The following MREG variants were observed in gnomAD, a reference collection of about 807,000 sequenced individuals.
MREG encodes the protein melanoregulin.
MREG carries 31 observed loss-of-function variants against 28.5 expected under a neutral mutation model. The observed-to-expected ratio is 1.09, with a 90% confidence interval of 0.82 to 1.47. MREG has a LOEUF of 1.47. Among genes scored for constraint, MREG ranks in the 40% most tolerant of loss-of-function variants. MREG has a pLI of 0.00. For missense variants in MREG, 256 were observed against 257.4 expected, an observed-to-expected ratio of 0.99 and a Z score of 0.04; for synonymous variants, 106 against 95.2, an observed-to-expected ratio of 1.11 and a Z score of -0.66.
intron 2 of MREG, among the ~76,000 whole-genome samples, chr2:215,973,179 C>T (rs1200397179): frequency 6.6e-6 from 1 of 152,166 alleles, no homozygotes; most frequent in Non-Finnish European, 1.5e-5. Context: ...AATGACCTTG[C>T]ATGCAAAGGC....
At chr2:215,956,320 T>A (rs1692627046) in intron 2 of MREG, among the ~76,000 whole-genome samples, 1 of 152,148 alleles carries the variant, frequency 6.6e-6, no homozygotes, top group Non-Finnish European at 1.5e-5. Context: ...AAATAGTAAA[T>A]ACTCTGTAAA....
intron 1 of MREG, among the ~76,000 whole-genome samples, chr2:216,008,276 C>T (rs1694213695): frequency 1.3e-5 from 2 of 152,150 alleles, no homozygotes; most frequent in East Asian, 3.8e-4. Flanking sequence ...GTGCTTGTGA[C>T]AGACTAGGCA....
chr2:216,033,605 A>G (rs1694745199), upstream of MREG: 1 of 152,306 alleles, frequency 6.6e-6, no homozygotes, highest in Non-Finnish European at 1.5e-5. Context: ...GGATTTCAAG[A>G]TATTTCCTAT....
chr2:216,015,925 T>C (rs116415882), upstream of MREG, among the ~76,000 whole-genome samples: 2,541 of 152,230 alleles, frequency 0.017, 34 homozygotes, highest in Non-Finnish European at 0.024. Context: ...AGCAAGAGCT[T>C]ATGAAAGTGT....
intron 2 of MREG, among the ~76,000 whole-genome samples, chr2:215,981,508 T>C (rs1693428255): frequency 6.6e-6 from 1 of 152,182 alleles, no homozygotes; most frequent in South Asian, 2.1e-4. Flanking sequence ...GGAGTTATTG[T>C]CTAGTGGGCA....
intron 2 of MREG, 59 bp from the exon 3 acceptor site, chr2:215,947,172 T>G: frequency 9.6e-7 from 1 of 1,039,062 alleles, no homozygotes; most frequent in Non-Finnish European, 1.5e-6. Context: ...CTCTATCTCA[T>G]TCCCAAACTT....
chr2:215,953,898 C>A lies in MREG; in HGVS notation c.256-6785G>T, dbSNP rs536568579. On this transcript the variant is annotated intron_variant, in intron 2 of 4. Coordinates refer to ENST00000263268, the MANE Select transcript of MREG (RefSeq NM_018000.3). ...TAGTTTCATATTTTCCCACCCTTGC[C>A]TCCAGGAAAAATTTTCAGTGCATAG... is the stretch of plus-strand genomic sequence containing the variant. Among the ~76,000 whole-genome samples, 135 of 152,310 alleles carry A rather than the reference C, an allele frequency of 8.9e-4. 1 individual carries two copies. The highest frequency in any genetic ancestry group is 6.8e-3 in the Middle Eastern group (2 of 294).
chr2:215,952,032 G>A (rs527733891), intron 2 of MREG, among the ~76,000 whole-genome samples: 4 of 152,090 alleles, frequency 2.6e-5, no homozygotes, highest in Non-Finnish European at 5.9e-5. Context: ...GTCTCTCTGC[G>A]CTTGGCTTAT....
chr2:215,992,767 A>G (rs1201985945), intron 2 of MREG, among the ~76,000 whole-genome samples: 1 of 152,226 alleles, frequency 6.6e-6, no homozygotes, highest in Non-Finnish European at 1.5e-5. Flanking sequence ...CTGTACACCA[A>G]TAATAGGTAA....
At chr2:215,946,157 T>C (rs1692313223) in intron 3 of MREG, among the ~76,000 whole-genome samples, 1 of 151,566 alleles carries the variant, frequency 6.6e-6, no homozygotes, top group South Asian at 2.1e-4. Context: ...CAGGGTAATA[T>C]GATTAGCTGG....
downstream of MREG, among the ~76,000 whole-genome samples, chr2:215,940,433 T>C (rs1692184572): frequency 1.3e-5 from 2 of 152,238 alleles, no homozygotes; most frequent in Admixed American, 6.5e-5. Context: ...GGTTGTGCCA[T>C]GATCCCTCTC....
intron 1 of MREG, among the ~76,000 whole-genome samples, chr2:215,998,009 A>G (rs1693914509): frequency 6.6e-6 from 1 of 152,142 alleles, no homozygotes; most frequent in Admixed American, 6.5e-5. Context: ...ACCGCCTCAA[A>G]TTTTGGAAGA....
chr2:216,013,323 C>T lies in MREG; in HGVS notation c.5G>A (p.Gly2Glu). 1 of 1,533,430 alleles carries T rather than the reference C, an allele frequency of 6.5e-7. No individual in the cohort carries two copies. Among genetic ancestry groups the T allele is most frequent in the South Asian group, 1.2e-5 (1 of 82,712 alleles). 95.0% of individuals were successfully genotyped at this position (1,533,430 alleles called of 1,614,324 possible). The change falls in exon 1 of 5, where the codon GGG becomes GAG. Residue 2 changes from glycine (G) to glutamate (E), a missense_variant. Physicochemically the swap from Gly to Glu is moderately conservative, Grantham distance 98. Coordinates refer to ENST00000263268, the MANE Select transcript of MREG (RefSeq NM_018000.3). Reference protein sequence around the residue: MGLRDWLRTVCC... With the variant: MELRDWLRTVCC... ...CACGGTTCTCAGCCAGTCCCTCAGC[C>T]CCATGGAGAGCGAGGGCCCCCACCG...
intron 2 of MREG, among the ~76,000 whole-genome samples, chr2:215,981,493 G>T (rs2106001205): frequency 6.6e-6 from 1 of 152,278 alleles, no homozygotes; most frequent in South Asian, 2.1e-4. Context: ...GTTGCCAGGA[G>T]CTGGGGAGTT....
At position 216,006,500 on chromosome 2, in the gene MREG, T is replaced by C. The variant is rs77851008; in HGVS notation, c.95+6733A>G. 9.0e-3 allele frequency among the ~76,000 whole-genome samples: 1,367 copies of C among 152,316 alleles called. 26 individuals are homozygous for C. The highest frequency in any genetic ancestry group is 0.031 in the African/African-American group (1,277 of 41,568). ...CCCTGCAGGCACTTCCTGTGAATCA[T>C]TGTCCGGCCCCGGAGCTACCGGCTT... is the stretch of plus-strand genomic sequence containing the variant. On this transcript the variant is annotated intron_variant, in intron 1 of 4. Coordinates refer to ENST00000263268, the MANE Select transcript of MREG (RefSeq NM_018000.3).
At chr2:216,007,742 C>CATTTT (rs1553555422) in intron 1 of MREG, among the ~76,000 whole-genome samples, 1 of 148,924 alleles carries the variant, frequency 6.7e-6, no homozygotes, top group East Asian at 2.0e-4. Flanking sequence ...CACTTAGCGG[C>CATTTT]TTTTTTTTTG....
chr2:215,955,399 T>G (rs1692596844), intron 2 of MREG, among the ~76,000 whole-genome samples: 2 of 152,180 alleles, frequency 1.3e-5, no homozygotes, highest in Admixed American at 6.5e-5. Flanking sequence ...AGCTCCCACG[T>G]GGATTCATGC....
In MREG at chr2:215,955,473, T is replaced by C. The variant is rs77669710; in HGVS notation, c.256-8360A>G. ...AACAGCAAACTAAAAGAATATGCCA[T>C]GCTGCTAGGACAATGACAACACTGC... On this transcript the variant is annotated intron_variant, in intron 2 of 4. Transcript: ENST00000263268. 6.8e-3 allele frequency among the ~76,000 whole-genome samples: 1,031 copies of C among 152,334 alleles called. 13 individuals carry two copies. The highest frequency in any genetic ancestry group is 0.024 in the African/African-American group (985 of 41,578).
chr2:216,006,960 C>T (rs1209954712), intron 1 of MREG, among the ~76,000 whole-genome samples: 3 of 152,168 alleles, frequency 2.0e-5, no homozygotes, highest in African/African-American at 7.2e-5. Context: ...AAACTCCAAA[C>T]ACAACTTCTA....
Sources: allele counts gnomAD v4.1 joint callset (sites outside exome capture counted in the v4.1 genomes callset), GRCh38; gene constraint gnomAD v4.1.1; transcripts MANE v1.5; gene names NCBI Gene and HGNC (gene_info 2026-07-23, HGNC 2026-07-21).